The following B3GALT5 variants were observed in gnomAD, a reference collection of about 807,000 sequenced individuals.
B3GALT5 encodes the protein UDP-Gal:betaGlcNAc beta 1,3-galactosyltransferase, polypeptide 5.
For missense variants in B3GALT5, 328 were observed against 396.6 expected (o/e 0.83, Z 1.47); for synonymous variants, 156 against 158.6 (o/e 0.98, Z 0.12).
intron 1 of B3GALT5, among the ~76,000 whole-genome samples, chr21:39,645,584 C>T (rs2079330075): frequency 6.6e-6 from 1 of 152,128 alleles, no homozygotes; most frequent in African/African-American, 2.4e-5. Flanking sequence ...TGGTGTCTCC[C>T]CATTTCACAT....
At chr21:39,657,927 A>C in intron 2 of B3GALT5, 2 of 1,230,972 alleles carry the variant, frequency 1.6e-6, no homozygotes, top group Non-Finnish European at 2.0e-6. Context: ...GTGCCTGTTC[A>C]TGGCTCTGTC....
chr21:39,641,751 C>CT (rs1344742135), intron 1 of B3GALT5, among the ~76,000 whole-genome samples: 49 of 152,298 alleles, frequency 3.2e-4, no homozygotes, highest in African/African-American at 1.2e-3. Context: ...CATATTCCAT[C>CT]ATATAATTCT....
intron 1 of B3GALT5, 54 bp downstream of exon 1, chr21:39,613,121 G>C (rs531762750): frequency 0.021 from 3,059 of 149,102 alleles, 44 homozygotes; most frequent in Middle Eastern, 0.034. Context: ...GGGAGCGGGG[G>C]GCCGGGTCCT....
chr21:39,615,551 ATCAT>A (rs1458989999), intron 1 of B3GALT5, among the ~76,000 whole-genome samples: 1 of 152,252 alleles, frequency 6.6e-6, no homozygotes, highest in African/African-American at 2.4e-5. Flanking sequence ...AGAGTGGCTG[ATCAT>A]TCATTCACGC....
In B3GALT5 at chr21:39,672,214, G is replaced by C. The variant is rs2079635330; in HGVS notation, c.*10722G>C. On this transcript the variant is annotated 3_prime_UTR_variant, in exon 4 of 4. Coordinates refer to ENST00000684187, the MANE Select transcript of B3GALT5 (RefSeq NM_001356336.2). ...AGCGAAGCCAGCGTGAGGTCTGTTGGCTCAGGGGTCCAGTCCCTGGGTCCC... is the reference window on the plus strand; with the variant it reads ...AGCGAAGCCAGCGTGAGGTCTGTTGCCTCAGGGGTCCAGTCCCTGGGTCCC... 1 of 152,236 alleles carries C rather than the reference G, an allele frequency of 6.6e-6. No homozygotes were observed. The allele number at this position is 152,236 out of a possible 1,614,324, so 9.4% of individuals were successfully genotyped here.
rs960763275 is a variant in B3GALT5 at position 39,623,046 on chromosome 21, A to ATTTTC, written c.-392+10000_-392+10004dup. On this transcript the variant is annotated intron_variant, in intron 1 of 3. Coordinates refer to ENST00000684187, the MANE Select transcript of B3GALT5 (RefSeq NM_001356336.2). Reference sequence around the variant, plus strand: ...ACTATTCCTTAGTTTGAACTTGTAAATTTTCTTTTCTTTTCTTTTCTTTTC... The same window carrying ATTTTC: ...ACTATTCCTTAGTTTGAACTTGTAAATTTTCTTTTCTTTTCTTTTCTTTTCTTTTC... 9.9e-5 allele frequency among the ~76,000 whole-genome samples: 15 copies of ATTTTC among 151,586 alleles called. No homozygotes were observed. The East Asian group carries it at 1.2e-3, about 12-fold the overall frequency.
rs1368600954 is a variant in B3GALT5, at chr21:39,660,916, T to C, written c.357T>C (p.Ile119=). Residue 119 remains isoleucine, a synonymous_variant, in exon 4 of 4, where the codon ATT becomes ATC. Coordinates refer to ENST00000684187, the MANE Select transcript of B3GALT5 (RefSeq NM_001356336.2). The stretch of plus-strand genomic sequence containing the variant: ...AGGAGAGCCAGCGACACGGGGACAT[T>C]ATCCAGAAGGATTTCCTAGACGTCT... ...VDQESQRHGD[I]IQKDFLDVYY... 6.2e-7 allele frequency: 1 copy of C among 1,610,000 alleles called. No individual in the cohort carries two copies. The highest frequency in any genetic ancestry group is 8.5e-7 in the Non-Finnish European group (1 of 1,177,918).
chr21:39,639,320 T>TTC (rs1569212048), intron 1 of B3GALT5, among the ~76,000 whole-genome samples: 5 of 109,276 alleles, frequency 4.6e-5, no homozygotes, highest in Non-Finnish European at 7.5e-5. Flanking sequence ...CTTTCTTTCT[T>TTC]TCTTTCTTTC....
chr21:39,635,571 T>G (rs651244), intron 1 of B3GALT5, among the ~76,000 whole-genome samples: 1 of 151,912 alleles, frequency 6.6e-6, no homozygotes, highest in African/African-American at 2.4e-5. Flanking sequence ...CTCTGCCTCC[T>G]GGGTTCAAGC....
At chr21:39,613,871 T>C (rs1048107749) in intron 1 of B3GALT5, among the ~76,000 whole-genome samples, 16 of 152,268 alleles carry the variant, frequency 1.1e-4, no homozygotes, top group African/African-American at 3.9e-4. Context: ...TCACTGGTCC[T>C]TTATGTTAGC....
In B3GALT5 at chr21:39,668,005, T is replaced by C. The variant is rs1024702176; in HGVS notation, c.*6513T>C. The C allele has an allele frequency of 3.9e-5, 6 of 152,402 alleles. No individual in the cohort carries two copies. Among genetic ancestry groups the C allele is most frequent in the Admixed American group, 3.3e-4 (5 of 15,312 alleles). The allele number at this position is 152,402 out of a possible 1,614,324, so 9.4% of individuals were successfully genotyped here. On this transcript the variant is annotated 3_prime_UTR_variant, in exon 4 of 4. Transcript: ENST00000684187. ...GGTGTGGAAATTAAGATAATTCACA[T>C]TGAGTTCTTGGCACGGCTGTGCCTA... is the stretch of plus-strand genomic sequence containing the variant.
chr21:39,660,510 A>G (rs2079501783), intron 3 of B3GALT5, 50 bp from the exon 4 acceptor site: 2 of 1,367,430 alleles, frequency 1.5e-6, no homozygotes, highest in African/African-American at 1.5e-5. Flanking sequence ...ATAAAACTAG[A>G]CACATCCTCA....
chr21:39,661,344 C>G lies in B3GALT5; in HGVS notation c.785C>G (p.Ser262Cys), dbSNP rs575135109. The change falls in exon 4 of 4, where the codon TCC becomes TGC. Residue 262 changes from serine (S) to cysteine (C), a missense_variant. Transcript: ENST00000684187. This position sits in a 1 kb window ranked among gnomAD's most constrained non-coding sequence, Gnocchi z 4.7. ...RLNIRLEELH[S>C]QPTFFPGGLR... ...AACATCAGATTGGAGGAGCTCCACTCCCAGCCGACCTTTTTTCCAGGGGGC... is the reference window on the plus strand; with the variant it reads ...AACATCAGATTGGAGGAGCTCCACTGCCAGCCGACCTTTTTTCCAGGGGGC... 6.2e-7 allele frequency: 1 copy of G among 1,612,330 alleles called. No individual in the cohort carries two copies. Among genetic ancestry groups the G allele is most frequent in the Non-Finnish European group, 8.5e-7 (1 of 1,179,318 alleles).
chr21:39,623,213 C>CCTT (rs1392833570), intron 1 of B3GALT5, among the ~76,000 whole-genome samples: 2 of 49,072 alleles, frequency 4.1e-5, no homozygotes, highest in East Asian at 2.0e-3. Flanking sequence ...CTCCCTCCCT[C>CCTT]CCTCCCTCCC....
At chr21:39,646,109 C>T (rs763438916) in intron 1 of B3GALT5, among the ~76,000 whole-genome samples, 3 of 151,932 alleles carry the variant, frequency 2.0e-5, no homozygotes, top group Admixed American at 6.6e-5. Context: ...ATGCGTGGTG[C>T]GACCGAAGGT....
rs937475730 is a variant in B3GALT5, at chr21:39,659,785, C to A, written c.-128C>A. On this transcript the variant is annotated 5_prime_UTR_variant, in exon 3 of 4. Coordinates refer to ENST00000684187, the MANE Select transcript of B3GALT5 (RefSeq NM_001356336.2). The stretch of plus-strand genomic sequence containing the variant: ...TGTCAGAATCACCATTTTTGGTAAA[C>A]AAACCAAGCCCAGAACCTGATAATT... 1 of 983,238 alleles carries A rather than the reference C, an allele frequency of 1.0e-6. No homozygotes were observed. The highest frequency in any genetic ancestry group is 1.2e-6 in the Non-Finnish European group (1 of 829,468). The allele number at this position is 983,238 out of a possible 1,614,324, so 60.9% of individuals were successfully genotyped here. A position where few individuals can be genotyped will look rare whatever the true frequency, so the allele number is the denominator to read the frequency against.
In B3GALT5 at chr21:39,639,452, CT is replaced by C. The variant is rs1213669228; in HGVS notation, c.-391-6933del. On this transcript the variant is annotated intron_variant, in intron 1 of 3. Transcript: ENST00000684187. ...TCTTTCTTTCTTTCTTTCTTTCTTTCTTTTTTTCTTTCTCTCTCTCTCTCTC... is the reference window on the plus strand; with the variant it reads ...TCTTTCTTTCTTTCTTTCTTTCTTTCTTTTTTCTTTCTCTCTCTCTCTCTC... Among the ~76,000 whole-genome samples the C allele has an allele frequency of 3.3e-3, 398 of 118,958 alleles. 18 individuals are homozygous for C. Among genetic ancestry groups the C allele is most frequent in the African/African-American group, 0.013 (382 of 28,742 alleles). The allele number at this position is 118,958 out of a possible 152,430, so 78.0% of individuals were successfully genotyped here. A position where few individuals can be genotyped will look rare whatever the true frequency, so the allele number is the denominator to read the frequency against.
rs889225185 is a variant in B3GALT5, at chr21:39,646,503, T to G, written c.-280T>G. On this transcript the variant is annotated 5_prime_UTR_variant, in exon 2 of 4. Transcript: ENST00000684187. ...TTTTGGAGACATGAGCAGCTTCATT[T>G]CTCATTTGTTCATTCGAAAGTCTCC... The G allele has an allele frequency of 6.6e-6, 1 of 152,210 alleles. No individual in the cohort carries two copies. The highest frequency in any genetic ancestry group is 1.5e-5 in the Non-Finnish European group (1 of 68,046). The allele number at this position is 152,210 out of a possible 1,614,324, so 9.4% of individuals were successfully genotyped here.
rs985671421 is a variant in B3GALT5 at position 39,667,938 on chromosome 21, A to C, written c.*6446A>C. The C allele has an allele frequency of 2.0e-5, 3 of 152,226 alleles. No homozygotes were observed. Among genetic ancestry groups the C allele is most frequent in the African/African-American group, 7.2e-5 (3 of 41,458 alleles). The allele number at this position is 152,226 out of a possible 1,614,324, so 9.4% of individuals were successfully genotyped here. On this transcript the variant is annotated 3_prime_UTR_variant, in exon 4 of 4. Coordinates refer to ENST00000684187, the MANE Select transcript of B3GALT5 (RefSeq NM_001356336.2). ...TGCACCTCAGTCTCTGCATCTCTAT[A>C]AAATGGGATGATAATAGTGTTCACC...
Sources: allele counts gnomAD v4.1 joint callset (sites outside exome capture counted in the v4.1 genomes callset), GRCh38; gene constraint gnomAD v4.1.1; non-coding constraint Gnocchi (gnomAD v3.1); transcripts MANE v1.5; gene names NCBI Gene and HGNC (gene_info 2026-07-23, HGNC 2026-07-21).